Variants in SOBP observed in about 807,000 individuals in gnomAD.
SOBP encodes sine oculis binding protein homolog.
SOBP carries 4 observed loss-of-function variants against 53.6 expected under a neutral mutation model. That is an observed-to-expected ratio of 0.07 (90% CI 0.04 to 0.17). SOBP has a LOEUF of 0.17. Ranked by LOEUF, SOBP falls within the 10% of genes least tolerant of loss-of-function variation. SOBP has a pLI of 1.00. For synonymous variants in SOBP, 584 were observed against 522.6 expected, an observed-to-expected ratio of 1.12 and a Z score of -1.60; for missense variants, 1,088 against 1,204.7, an observed-to-expected ratio of 0.90 and a Z score of 1.43.
At chr6:107,642,265 G>A (rs1771361514) in intron 6 of SOBP, among the ~76,000 whole-genome samples, 1 of 152,044 alleles carries the variant, frequency 6.6e-6, no homozygotes, top group Non-Finnish European at 1.5e-5. Flanking sequence ...ATAGGGTGGG[G>A]TCAGGATTGG....
At chr6:107,517,415 GGAGA>G in intron 3 of SOBP, among the ~76,000 whole-genome samples, 1 of 151,280 alleles carries the variant, frequency 6.6e-6, no homozygotes, top group South Asian at 2.1e-4. Flanking sequence ...TGTGGTGAAG[GGAGA>G]GAGAGAGAGA....
chr6:107,521,433 G>A (rs1783481611), intron 3 of SOBP, among the ~76,000 whole-genome samples: 1 of 152,004 alleles, frequency 6.6e-6, no homozygotes, highest in South Asian at 2.1e-4. Flanking sequence ...TACATTCTAG[G>A]GCTTAGTTGC....
chr6:107,528,331 A>AG (rs1261038619), intron 3 of SOBP, among the ~76,000 whole-genome samples: 2 of 152,154 alleles, frequency 1.3e-5, no homozygotes, highest in Non-Finnish European at 2.9e-5. Context: ...TTACAGAGGT[A>AG]GGGGGGTCTC....
At chr6:107,540,992 G>T (rs1009609939) in intron 4 of SOBP, among the ~76,000 whole-genome samples, 4 of 152,146 alleles carry the variant, frequency 2.6e-5, no homozygotes, top group Non-Finnish European at 5.9e-5. Context: ...AATTATATTT[G>T]TTCTAACAGG....
At chr6:107,577,946 T>G (rs1229806608) in intron 4 of SOBP, among the ~76,000 whole-genome samples, 2 of 151,962 alleles carry the variant, frequency 1.3e-5, no homozygotes. Context: ...TGGTGGCAGA[T>G]GCCTATAGTC....
At chr6:107,594,407 G>T (rs1171214739) in intron 5 of SOBP, among the ~76,000 whole-genome samples, 1 of 151,702 alleles carries the variant, frequency 6.6e-6, no homozygotes, top group East Asian at 1.9e-4. Flanking sequence ...GTGCACATTT[G>T]CATGAAAACC....
At chr6:107,564,366 C>T (rs920665104) in intron 4 of SOBP, among the ~76,000 whole-genome samples, 1 of 152,172 alleles carries the variant, frequency 6.6e-6, no homozygotes, top group African/African-American at 2.4e-5. Context: ...GGAAATCTCT[C>T]CCCCAGGAGG....
At chr6:107,551,533 A>G (rs1056455987) in intron 4 of SOBP, among the ~76,000 whole-genome samples, 1 of 152,226 alleles carries the variant, frequency 6.6e-6, no homozygotes, top group African/African-American at 2.4e-5. Context: ...TGTCACAGCT[A>G]CAACCTGGCT....
rs986112529 is a variant in SOBP, at chr6:107,505,338, T to C, written c.236-904T>C. ...ATTTTCTTTTCTTTCTTTTTTTTTTTCTGAGACAGAGTCTTGCTCTGTCAC... is the reference window on the plus strand; with the variant it reads ...ATTTTCTTTTCTTTCTTTTTTTTTTCCTGAGACAGAGTCTTGCTCTGTCAC... On this transcript the variant is annotated intron_variant, in intron 2 of 6. Transcript: ENST00000317357. Among the ~76,000 whole-genome samples, 114 of 152,214 alleles carry C rather than the reference T, an allele frequency of 7.5e-4. 1 individual carries two copies. Among genetic ancestry groups the C allele is most frequent in the African/African-American group, 2.7e-3 (112 of 41,548 alleles).
intron 4 of SOBP, among the ~76,000 whole-genome samples, chr6:107,550,831 T>G (rs1199837195): frequency 2.0e-5 from 3 of 152,250 alleles, no homozygotes; most frequent in African/African-American, 4.8e-5. Flanking sequence ...TGTTGTGCTT[T>G]AACATTTTAA....
At chr6:107,503,444 C>G (rs190915012) in intron 1 of SOBP, among the ~76,000 whole-genome samples, 9 of 152,080 alleles carry the variant, frequency 5.9e-5, no homozygotes, top group African/African-American at 2.2e-4. Flanking sequence ...CTTTAAATTA[C>G]AAATATCTGA....
At chr6:107,595,597 T>C (rs146337485) in intron 5 of SOBP, among the ~76,000 whole-genome samples, 2 of 152,270 alleles carry the variant, frequency 1.3e-5, no homozygotes, top group East Asian at 1.9e-4. Flanking sequence ...ATACATCATA[T>C]ATCAAGCAAA....
In SOBP at chr6:107,581,708, A is replaced by T. The variant is rs570226361; in HGVS notation, c.574-5372A>T. ...ACGAGATTTCAGAAAATGAAATTCC[A>T]TGCGTTTTCAGAGCAGTGTCCCCAT... On this transcript the variant is annotated intron_variant, in intron 4 of 6. Coordinates refer to ENST00000317357, the MANE Select transcript of SOBP (RefSeq NM_018013.4). 2.0e-5 allele frequency among the ~76,000 whole-genome samples: 3 copies of T among 152,372 alleles called. No homozygotes were observed. The East Asian group carries it at 5.8e-4, about 29-fold the overall frequency.
intron 3 of SOBP, chr6:107,529,462 C>G: frequency 1.0e-6 from 1 of 985,358 alleles, no homozygotes; most frequent in Non-Finnish European, 1.2e-6. Flanking sequence ...ATTCTAGGAA[C>G]TGTTGGAGGA....
chr6:107,546,069 G>A (rs375160900), intron 4 of SOBP, among the ~76,000 whole-genome samples: 9 of 152,290 alleles, frequency 5.9e-5, no homozygotes, highest in Non-Finnish European at 7.4e-5. Flanking sequence ...TAAAAAATCC[G>A]TCTCAGGAAA....
At chr6:107,515,722 C>T (rs1224453977) in intron 3 of SOBP, among the ~76,000 whole-genome samples, 1 of 152,180 alleles carries the variant, frequency 6.6e-6, no homozygotes, top group East Asian at 1.9e-4. Context: ...GCACTCCAGC[C>T]TGTGTGACAG....
chr6:107,593,381 A>T (rs1198397960), intron 5 of SOBP, among the ~76,000 whole-genome samples: 1 of 152,162 alleles, frequency 6.6e-6, no homozygotes, highest in Admixed American at 6.5e-5. Context: ...TTTCAGAGCC[A>T]TTGCCTACAA....
intron 6 of SOBP, among the ~76,000 whole-genome samples, chr6:107,652,255 T>A (rs1011350189): frequency 1.3e-5 from 2 of 152,218 alleles, no homozygotes; most frequent in Non-Finnish European, 2.9e-5. Context: ...ACATTTGTGA[T>A]TCATAGGAGG....
intron 3 of SOBP, among the ~76,000 whole-genome samples, chr6:107,508,509 G>A (rs1359140024): frequency 6.6e-6 from 1 of 152,094 alleles, no homozygotes; most frequent in Non-Finnish European, 1.5e-5. Flanking sequence ...AGCCTGGGAG[G>A]CGGAGGCTGC....
Sources: allele counts gnomAD v4.1 joint callset (sites outside exome capture counted in the v4.1 genomes callset), GRCh38; gene constraint gnomAD v4.1.1; transcripts MANE v1.5; gene names NCBI Gene and HGNC (gene_info 2026-07-23, HGNC 2026-07-21).